Variants in PRKCA observed in about 807,000 individuals in gnomAD.
PRKCA encodes the protein protein kinase C alpha type.
A neutral mutation model predicts 87.0 loss-of-function variants in PRKCA; 27 were observed. The observed-to-expected ratio is 0.31, with a 90% CI of 0.23 to 0.43. The LOEUF (loss-of-function observed/expected upper bound fraction) is 0.43. Ranked by LOEUF, PRKCA falls within the 20% of genes least tolerant of loss-of-function variation. The pLI is 1.00. For synonymous variants in PRKCA, 329 were observed against 311.1 expected (o/e 1.06, Z -0.61); for missense variants, 518 against 852.3 (o/e 0.61, Z 4.88).
At position 66,430,820 on chromosome 17, in the gene PRKCA, C is replaced by T. The variant is rs192971184; in HGVS notation, c.206-65381C>T. ...AAGTGATAGGATGCAGAGTTGAAGA[C>T]GGCTGTTTTAGGCCAGGGCTCCCAG... On this transcript the variant is annotated intron_variant, in intron 2 of 16. Coordinates refer to ENST00000413366, the MANE Select transcript of PRKCA (RefSeq NM_002737.3). Among the ~76,000 whole-genome samples the T allele has an allele frequency of 1.8e-3, 271 of 152,284 alleles. 1 individual carries two copies. Among genetic ancestry groups the T allele is most frequent in the Non-Finnish European group, 2.4e-3 (162 of 68,022 alleles).
chr17:66,552,409 T>C (rs1968364135), intron 3 of PRKCA, among the ~76,000 whole-genome samples: 1 of 152,248 alleles, frequency 6.6e-6, no homozygotes, highest in Admixed American at 6.5e-5. Context: ...TGGGTCACAG[T>C]TCAGCTGCGT....
At chr17:66,734,697 G>A (rs1272850472) in intron 9 of PRKCA, among the ~76,000 whole-genome samples, 2 of 152,186 alleles carry the variant, frequency 1.3e-5, no homozygotes, top group Admixed American at 1.3e-4. Flanking sequence ...CTGGGAATGC[G>A]GCCCAGCAGA....
chr17:66,540,461 A>G (rs1241276390), intron 3 of PRKCA, among the ~76,000 whole-genome samples: 2 of 151,934 alleles, frequency 1.3e-5, no homozygotes, highest in South Asian at 2.1e-4. Flanking sequence ...CCAAAGAGGG[A>G]CGTCTCCCGA....
At chr17:66,427,473 T>G (rs1912877565) in intron 2 of PRKCA, among the ~76,000 whole-genome samples, 1 of 152,266 alleles carries the variant, frequency 6.6e-6, no homozygotes, top group Non-Finnish European at 1.5e-5. Context: ...ATTTGCTATC[T>G]GGTCTTTTAG....
chr17:66,372,246 G>T (rs776496039), intron 2 of PRKCA, among the ~76,000 whole-genome samples: 45 of 152,176 alleles, frequency 3.0e-4, no homozygotes, highest in Non-Finnish European at 5.9e-4. Flanking sequence ...TTTTAGTCCA[G>T]CGTCTTGGAT....
chr17:66,660,707 G>A (rs930980541), intron 5 of PRKCA, among the ~76,000 whole-genome samples: 4 of 151,860 alleles, frequency 2.6e-5, no homozygotes, highest in African/African-American at 9.7e-5. Context: ...GGCTAACACG[G>A]TGAAAACCTG....
intron 2 of PRKCA, among the ~76,000 whole-genome samples, chr17:66,370,195 T>C (rs949656469): frequency 3.3e-5 from 5 of 151,638 alleles, no homozygotes; most frequent in African/African-American, 1.2e-4. Context: ...CATAATTATA[T>C]TGAATGAAGC....
At chr17:66,759,281 G>A (rs972139146) in intron 13 of PRKCA, among the ~76,000 whole-genome samples, 5 of 152,012 alleles carry the variant, frequency 3.3e-5, no homozygotes, top group East Asian at 1.9e-4. Context: ...GCGTGAACCC[G>A]GGAGGCAGAG....
At chr17:66,427,542 G>T (rs2143818389) in intron 2 of PRKCA, among the ~76,000 whole-genome samples, 1 of 152,324 alleles carries the variant, frequency 6.6e-6, no homozygotes, top group Non-Finnish European at 1.5e-5. Flanking sequence ...CTGTTTATTT[G>T]TAGCCAAAGC....
At chr17:66,440,840 A>G (rs1397037210) in intron 2 of PRKCA, among the ~76,000 whole-genome samples, 1 of 151,958 alleles carries the variant, frequency 6.6e-6, no homozygotes, top group African/African-American at 2.4e-5. Context: ...AGCCCTGGCA[A>G]CACCGTAAGA....
intron 3 of PRKCA, among the ~76,000 whole-genome samples, chr17:66,639,787 A>G (rs1971241545): frequency 1.3e-5 from 2 of 151,806 alleles, no homozygotes; most frequent in South Asian, 4.2e-4. Context: ...ACCTGATGTC[A>G]GGAGTTTGAG....
chr17:66,306,245 G>A, intron 2 of PRKCA, 118 bp downstream of exon 2: 1 of 1,068,424 alleles, frequency 9.4e-7, no homozygotes, highest in Non-Finnish European at 1.3e-6. Flanking sequence ...AGATAATTTT[G>A]AAATATGAGG....
At chr17:66,360,753 A>G (rs1455766221) in intron 2 of PRKCA, among the ~76,000 whole-genome samples, 1 of 152,166 alleles carries the variant, frequency 6.6e-6, no homozygotes, top group East Asian at 1.9e-4. Context: ...TCCGAACTGG[A>G]TAATGCAGGT....
intron 2 of PRKCA, among the ~76,000 whole-genome samples, chr17:66,331,952 T>C (rs1906352065): frequency 6.6e-6 from 1 of 152,224 alleles, no homozygotes; most frequent in African/African-American, 2.4e-5. Flanking sequence ...ATTGTCTCTT[T>C]CTTGTTAAAC....
chr17:66,651,534 G>A (rs1971591105), intron 5 of PRKCA, among the ~76,000 whole-genome samples: 1 of 152,172 alleles, frequency 6.6e-6, no homozygotes, highest in Non-Finnish European at 1.5e-5. Flanking sequence ...GCAGTGACAG[G>A]CAGGCTGTGG....
At chr17:66,795,849 G>C (rs1975653228) in intron 16 of PRKCA, among the ~76,000 whole-genome samples, 1 of 152,218 alleles carries the variant, frequency 6.6e-6, no homozygotes, top group Admixed American at 6.5e-5. Context: ...TACAGCCCAT[G>C]ATAAGCCAGA....
chr17:66,349,199 C>T (rs2143410062), intron 2 of PRKCA, among the ~76,000 whole-genome samples: 1 of 152,280 alleles, frequency 6.6e-6, no homozygotes, highest in African/African-American at 2.4e-5. Flanking sequence ...ATATTTCATA[C>T]CTGTGGCAGC....
chr17:66,360,224 G>A (rs893631173), intron 2 of PRKCA, among the ~76,000 whole-genome samples: 1 of 152,188 alleles, frequency 6.6e-6, no homozygotes, highest in African/African-American at 2.4e-5. Context: ...TTCCACAGCT[G>A]AAGAGTTTGG....
intron 2 of PRKCA, among the ~76,000 whole-genome samples, chr17:66,328,774 G>C (rs1906146101): frequency 6.6e-6 from 1 of 152,128 alleles, no homozygotes; most frequent in Non-Finnish European, 1.5e-5. Context: ...CTCTAGCCTG[G>C]GTGACAGAGC....
Sources: gnomAD v4.1 joint callset for allele counts (sites outside exome capture counted in the v4.1 genomes callset) on GRCh38, gnomAD v4.1.1 for gene constraint, MANE v1.5 for transcripts, NCBI Gene and HGNC (gene_info 2026-07-23, HGNC 2026-07-21) for gene names.